CCSER1: variants seen among roughly 807,000 people sequenced by gnomAD.
The protein encoded by CCSER1 is serine-rich coiled-coil domain-containing protein 1.
CCSER1 carries 41 observed loss-of-function variants against 82.0 expected under a neutral mutation model. The observed-to-expected ratio is 0.50, with a 90% CI of 0.39 to 0.65. The LOEUF is 0.65. CCSER1 is among the 30% of genes least tolerant of loss of function. The probability of loss-of-function intolerance (pLI) is 0.00; values close to 1 mark genes in which losing one functional copy is unlikely to be tolerated. For missense variants in CCSER1, 1,119 were observed against 1,064.2 expected (o/e 1.05, Z -0.72); for synonymous variants, 414 against 383.9 (o/e 1.08, Z -0.92).
intron 5 of CCSER1, among the ~76,000 whole-genome samples, chr4:90,492,770 T>C (rs1294539383): frequency 6.6e-6 from 1 of 152,214 alleles, no homozygotes; most frequent in East Asian, 1.9e-4. Flanking sequence ...CTTCATTTTG[T>C]TATGTACCCA....
chr4:90,834,808 A>C (rs1761579312), intron 8 of CCSER1, among the ~76,000 whole-genome samples: 1 of 152,166 alleles, frequency 6.6e-6, no homozygotes, highest in Non-Finnish European at 1.5e-5. Context: ...GCAGAATAAG[A>C]TGTGTAAGCA....
At chr4:91,363,456 C>T (rs970783941) in intron 10 of CCSER1, among the ~76,000 whole-genome samples, 2 of 151,112 alleles carry the variant, frequency 1.3e-5, no homozygotes, top group African/African-American at 4.9e-5. Flanking sequence ...AAGGAAAAAA[C>T]TGTTGAAACA....
Position 91,328,200 on chromosome 4 carries a change from T to C in CCSER1, c.2217+242206T>C, listed in dbSNP as rs370258628. On this transcript the variant is annotated intron_variant, in intron 10 of 10. Coordinates refer to ENST00000509176, the MANE Select transcript of CCSER1 (RefSeq NM_001145065.2). ...TTCAATTTTCTGTATTAGTCCATTT[T>C]CACACTGCTATAAAGAACTACCTTA... Among the ~76,000 whole-genome samples the C allele has an allele frequency of 7.2e-4, 110 of 152,320 alleles. 1 individual carries two copies. In the Middle Eastern group the frequency reaches 0.017, roughly 24 times the overall value.
intron 10 of CCSER1, among the ~76,000 whole-genome samples, chr4:91,097,035 G>A (rs1391812533): frequency 1.3e-5 from 2 of 152,158 alleles, no homozygotes; most frequent in South Asian, 2.1e-4. Context: ...AGTTTCAGAT[G>A]TCCGGACTCC....
chr4:91,570,647 G>A (rs1763129809), intron 10 of CCSER1, among the ~76,000 whole-genome samples: 1 of 152,120 alleles, frequency 6.6e-6, no homozygotes. Flanking sequence ...TGGTATGCAG[G>A]GCACCATGTC....
intron 3 of CCSER1, among the ~76,000 whole-genome samples, chr4:90,378,786 G>T (rs1444871402): frequency 6.6e-6 from 1 of 152,146 alleles, no homozygotes; most frequent in African/African-American, 2.4e-5. Context: ...CATTATAAAT[G>T]TGCAGATACC....
At chr4:91,101,493 G>T (rs1327755718) in intron 10 of CCSER1, among the ~76,000 whole-genome samples, 2 of 152,142 alleles carry the variant, frequency 1.3e-5, no homozygotes, top group Non-Finnish European at 2.9e-5. Flanking sequence ...AAATTAGCTG[G>T]GCATGGTGGC....
intron 8 of CCSER1, among the ~76,000 whole-genome samples, chr4:90,859,435 C>A (rs978513192): frequency 6.6e-6 from 1 of 151,716 alleles, no homozygotes; most frequent in Non-Finnish European, 1.5e-5. Context: ...CTTTCTCTAG[C>A]GAAGCTTTAT....
At chr4:90,565,685 G>T (rs894793181) in intron 5 of CCSER1, among the ~76,000 whole-genome samples, 1 of 152,116 alleles carries the variant, frequency 6.6e-6, no homozygotes, top group East Asian at 1.9e-4. Flanking sequence ...CATTCCTTCC[G>T]TACCTAACTT....
intron 3 of CCSER1, among the ~76,000 whole-genome samples, chr4:90,319,645 C>CTG (rs3042052): frequency 0.66 from 99,807 of 151,842 alleles, 34,295 homozygotes; most frequent in African/African-American, 0.86. Flanking sequence ...GAGCAAGACT[C>CTG]TCTCAAAAAA....
intron 9 of CCSER1, among the ~76,000 whole-genome samples, chr4:91,030,053 A>C (rs1740837160): frequency 6.6e-6 from 1 of 152,176 alleles, no homozygotes; most frequent in African/African-American, 2.4e-5. Context: ...AGGGTATAAT[A>C]ATTGTTATTA....
intron 6 of CCSER1, among the ~76,000 whole-genome samples, chr4:90,632,628 A>G (rs1489297550): frequency 6.6e-6 from 1 of 152,120 alleles, no homozygotes; most frequent in East Asian, 1.9e-4. Context: ...CTGCTTCAGT[A>G]AACCTGTCTT....
chr4:91,163,906 A>T (rs764318625), intron 10 of CCSER1, among the ~76,000 whole-genome samples: 1 of 152,190 alleles, frequency 6.6e-6, no homozygotes. Flanking sequence ...GTGTCTTTTA[A>T]TCAGGGCATT....
intron 1 of CCSER1, among the ~76,000 whole-genome samples, chr4:90,201,801 A>G (rs527436299): frequency 3.3e-5 from 5 of 152,178 alleles, no homozygotes; most frequent in African/African-American, 1.2e-4. Flanking sequence ...GTTGTGTAGA[A>G]TTTGTGTAGA....
intron 5 of CCSER1, among the ~76,000 whole-genome samples, chr4:90,605,063 T>C (rs1289403770): frequency 2.0e-5 from 3 of 152,208 alleles, no homozygotes; most frequent in South Asian, 2.1e-4. Context: ...TGCTGCTGAC[T>C]CTTTGGGTTT....
chr4:90,343,203 A>G (rs753723772), intron 3 of CCSER1, among the ~76,000 whole-genome samples: 17 of 152,160 alleles, frequency 1.1e-4, no homozygotes, highest in Non-Finnish European at 1.3e-4. Flanking sequence ...CTTGCTTATC[A>G]AAGTCATTTA....
At chr4:91,440,069 T>A (rs917982731) in intron 10 of CCSER1, among the ~76,000 whole-genome samples, 6 of 151,848 alleles carry the variant, frequency 4.0e-5, no homozygotes, top group Admixed American at 3.9e-4. Flanking sequence ...GACAGAAAGT[T>A]AACAAGGATA....
chr4:91,063,886 G>A (rs1392007669), intron 9 of CCSER1, among the ~76,000 whole-genome samples: 1 of 152,292 alleles, frequency 6.6e-6, no homozygotes, highest in Non-Finnish European at 1.5e-5. Context: ...GACATTAAAT[G>A]ATTTCCCTAA....
intron 6 of CCSER1, among the ~76,000 whole-genome samples, chr4:90,644,753 A>G (rs1029868586): frequency 7.9e-5 from 12 of 151,934 alleles, no homozygotes; most frequent in Non-Finnish European, 2.9e-5. Flanking sequence ...TTTGCTGAGG[A>G]TAATGGCTTC....
Sources: gnomAD v4.1 joint callset for allele counts (sites outside exome capture counted in the v4.1 genomes callset) on GRCh38, gnomAD v4.1.1 for gene constraint, MANE v1.5 for transcripts, NCBI Gene and HGNC (gene_info 2026-07-23, HGNC 2026-07-21) for gene names.